The following USP53 variants were observed in gnomAD, a reference collection of about 807,000 sequenced individuals.
The protein encoded by USP53 is ubiquitin carboxyl-terminal hydrolase 53.
USP53 carries 71 observed loss-of-function variants against 94.9 expected under a neutral mutation model. The ratio of observed to expected loss-of-function variants is 0.75; its 90% CI spans 0.62 to 0.91. The LOEUF (loss-of-function observed/expected upper bound fraction) is 0.91, where lower values mean the gene tolerates loss of function less well. Ranked by LOEUF, USP53 falls within the 40% of genes least tolerant of loss-of-function variation. USP53 has a pLI of 0.00. For missense variants in USP53, 1,173 were observed against 1,281.0 expected, an observed-to-expected ratio of 0.92 and a Z score of 1.29; for synonymous variants, 375 against 422.7, an observed-to-expected ratio of 0.89 and a Z score of 1.39.
chr4:119,214,954 G>C (rs114329234), intron 2 of USP53, among the ~76,000 whole-genome samples: 102 of 152,292 alleles, frequency 6.7e-4, no homozygotes, highest in African/African-American at 2.4e-3. Flanking sequence ...TAAAGTGATG[G>C]AATAAACTAT....
At chr4:119,252,830 T>C (rs1219097231) in intron 7 of USP53, among the ~76,000 whole-genome samples, 1 of 152,204 alleles carries the variant, frequency 6.6e-6, no homozygotes, top group Non-Finnish European at 1.5e-5. Flanking sequence ...GATGTTAGGG[T>C]GTCAATTTTA....
rs563090115 is a variant in USP53, at chr4:119,294,102, C to T, written c.*891C>T. 2.0e-5 allele frequency: 3 copies of T among 151,698 alleles called. No individual in the cohort carries two copies. Among genetic ancestry groups the T allele is most frequent in the Non-Finnish European group, 4.4e-5 (3 of 67,860 alleles). The allele number at this position is 151,698 out of a possible 1,614,324, so 9.4% of individuals were successfully genotyped here. ...TAATTTTATATGAAATGTGAAAGGT[C>T]TTTATTTTGGTTTGGTTTACTTTGG... On this transcript the variant is annotated 3_prime_UTR_variant, in exon 19 of 19. Transcript: ENST00000692078.
At chr4:119,278,360 A>C (rs2149446353) in intron 17 of USP53, among the ~76,000 whole-genome samples, 2 of 150,668 alleles carry the variant, frequency 1.3e-5, no homozygotes, top group Non-Finnish European at 3.0e-5. Context: ...TCACTTATGA[A>C]GCTTAGTTTG....
At chr4:119,265,701 A>ACAACAAAG (rs1751044215) in intron 12 of USP53, among the ~76,000 whole-genome samples, 1 of 152,146 alleles carries the variant, frequency 6.6e-6, no homozygotes, top group Non-Finnish European at 1.5e-5. Context: ...CAACAACAAA[A>ACAACAAAG]CAAATGGACT....
At position 119,217,534 on chromosome 4, in the gene USP53, C is replaced by T. The variant is rs1179490847; in HGVS notation, c.-788-16C>T. On this transcript the variant is annotated splice_polypyrimidine_tract_variant and intron_variant, in intron 2 of 18. Transcript: ENST00000692078. ...TATTTGATGAAAACTTAACCATGCA[C>T]TGTGTTCTGTTCTAGATGCTTGGGA... The T allele has an allele frequency of 2.0e-5, 3 of 152,158 alleles. No individual in the cohort carries two copies. The highest frequency in any genetic ancestry group is 4.4e-5 in the Non-Finnish European group (3 of 68,034). 9.4% of individuals were successfully genotyped at this position (152,158 alleles called of 1,614,324 possible). A position where few individuals can be genotyped will look rare whatever the true frequency, so the allele number is the denominator to read the frequency against.
At chr4:119,245,024 G>C (rs909950355) in intron 5 of USP53, among the ~76,000 whole-genome samples, 1 of 152,032 alleles carries the variant, frequency 6.6e-6, no homozygotes, top group Non-Finnish European at 1.5e-5. Context: ...TCTCTATTTA[G>C]TATTCCTTGT....
At chr4:119,220,067 T>G (rs565733790) in intron 3 of USP53, 2 of 152,182 alleles carry the variant, frequency 1.3e-5, no homozygotes, top group Non-Finnish European at 2.9e-5. Context: ...ATTTAAGCCT[T>G]ACAGAAATTT....
intron 17 of USP53, among the ~76,000 whole-genome samples, chr4:119,280,086 A>T (rs1753319296): frequency 6.6e-6 from 1 of 152,188 alleles, no homozygotes; most frequent in African/African-American, 2.4e-5. Flanking sequence ...TGGGAGCTGT[A>T]GACTGGAGCT....
chr4:119,233,249 A>G (rs1449619927), intron 3 of USP53, among the ~76,000 whole-genome samples: 1 of 141,020 alleles, frequency 7.1e-6, no homozygotes, highest in Non-Finnish European at 1.6e-5. Flanking sequence ...TTTGGGATTT[A>G]TTTTTTCTAT....
At chr4:119,257,947 T>C (rs1382934703) in intron 9 of USP53, among the ~76,000 whole-genome samples, 1 of 152,212 alleles carries the variant, frequency 6.6e-6, no homozygotes, top group East Asian at 1.9e-4. Flanking sequence ...ATAATAAGAA[T>C]TACAGCCCCA....
At chr4:119,243,459 T>C (rs1747816211) in intron 5 of USP53, among the ~76,000 whole-genome samples, 1 of 151,856 alleles carries the variant, frequency 6.6e-6, no homozygotes, top group Admixed American at 6.6e-5. Context: ...GATAGCACCA[T>C]CACACTCCAG....
At chr4:119,283,148 A>G (rs1753699727) in intron 17 of USP53, among the ~76,000 whole-genome samples, 1 of 151,980 alleles carries the variant, frequency 6.6e-6, no homozygotes, top group South Asian at 2.1e-4. Flanking sequence ...CATTGTTTAA[A>G]TTGCCACAAT....
intron 17 of USP53, among the ~76,000 whole-genome samples, chr4:119,279,876 GT>G (rs1753272668): frequency 6.6e-6 from 1 of 152,040 alleles, no homozygotes; most frequent in Admixed American, 6.6e-5. Flanking sequence ...AGGTGCGTCC[GT>G]CACCCCTTTC....
intron 3 of USP53, among the ~76,000 whole-genome samples, chr4:119,223,300 G>T (rs778874780): frequency 1.6e-4 from 25 of 152,150 alleles, no homozygotes; most frequent in Non-Finnish European, 2.9e-4. Context: ...ATTTTGTAAA[G>T]TAGGAGGAAA....
chr4:119,283,880 A>T (rs1352329094), intron 17 of USP53, among the ~76,000 whole-genome samples: 1 of 151,928 alleles, frequency 6.6e-6, no homozygotes, highest in East Asian at 1.9e-4. Flanking sequence ...ATCCACCTAT[A>T]TAGGAATTGA....
chr4:119,219,016 A>T (rs1368655091), intron 3 of USP53: 3 of 152,154 alleles, frequency 2.0e-5, no homozygotes, highest in African/African-American at 7.2e-5. Flanking sequence ...TTCTGTGCTA[A>T]TATGGAATTA....
Position 119,271,508 on chromosome 4 carries a change from G to A in USP53, c.1648G>A (p.Val550Ile), listed in dbSNP as rs1185830716. 6.2e-7 allele frequency: 1 copy of A among 1,613,422 alleles called. No homozygotes were observed. The highest frequency in any genetic ancestry group is 8.5e-7 in the Non-Finnish European group (1 of 1,179,984). The change falls in exon 16 of 19, where the codon GTT becomes ATT. Residue 550 changes from valine (V) to isoleucine (I), a missense_variant. By Grantham distance (29) the Val-to-Ile change is conservative (BLOSUM62 3). Coordinates refer to ENST00000692078, the MANE Select transcript of USP53 (RefSeq NM_001371395.1). ...TCCAGGAGAGAAAATAACTGGCAAA[G>A]TTAAGAGTGACAATGGCACTGGATA... Reference protein sequence around the residue: ...LAPGEKITGKVKSDNGTGYDT... With the variant: ...LAPGEKITGKIKSDNGTGYDT...
chr4:119,282,221 T>C (rs1024515414), intron 17 of USP53, among the ~76,000 whole-genome samples: 2 of 152,144 alleles, frequency 1.3e-5, no homozygotes, highest in African/African-American at 4.8e-5. Flanking sequence ...CATCTGTAAG[T>C]GGACATGTGG....
chr4:119,243,920 T>C (rs887280048), intron 5 of USP53, among the ~76,000 whole-genome samples: 1 of 152,210 alleles, frequency 6.6e-6, no homozygotes, highest in African/African-American at 2.4e-5. Context: ...ATTGCATATG[T>C]CACCTAATTT....
Sources: gnomAD v4.1 joint callset for allele counts (sites outside exome capture counted in the v4.1 genomes callset) on GRCh38, gnomAD v4.1.1 for gene constraint, MANE v1.5 for transcripts, NCBI Gene and HGNC (gene_info 2026-07-23, HGNC 2026-07-21) for gene names.